RBMS3: variants seen among roughly 807,000 people sequenced by gnomAD.
The protein encoded by RBMS3 is RNA-binding motif, single-stranded-interacting protein 3.
In RBMS3, 27 loss-of-function variants were observed where a neutral mutation model predicts 66.8. The observed-to-expected ratio is 0.40, with a 90% CI of 0.30 to 0.56. The LOEUF (loss-of-function observed/expected upper bound fraction) is 0.56. RBMS3 is among the 20% of genes least tolerant of loss of function. The pLI is 0.40. For missense variants in RBMS3, 513 were observed against 549.5 expected, an observed-to-expected ratio of 0.93 and a Z score of 0.66; for synonymous variants, 188 against 183.0, an observed-to-expected ratio of 1.03 and a Z score of -0.22.
intron 1 of RBMS3, among the ~76,000 whole-genome samples, chr3:29,319,982 C>G (rs1447716500): frequency 6.6e-6 from 1 of 151,946 alleles, no homozygotes; most frequent in Non-Finnish European, 1.5e-5. Context: ...GGGTTTTAAA[C>G]CTGGTGCTGA....
At chr3:29,465,111 A>C (rs2042493092) in intron 2 of RBMS3, among the ~76,000 whole-genome samples, 1 of 152,236 alleles carries the variant, frequency 6.6e-6, no homozygotes, top group Admixed American at 6.5e-5. Context: ...ATTTCTCTGA[A>C]GGAATGTACA....
intron 6 of RBMS3, among the ~76,000 whole-genome samples, chr3:29,837,152 T>A (rs2058531759): frequency 1.3e-5 from 2 of 152,048 alleles, no homozygotes; most frequent in South Asian, 4.1e-4. Context: ...GTAATTTTTT[T>A]TCTTGATACT....
chr3:29,771,548 G>A (rs1251082011), intron 6 of RBMS3, among the ~76,000 whole-genome samples: 1 of 151,956 alleles, frequency 6.6e-6, no homozygotes, highest in Non-Finnish European at 1.5e-5. Flanking sequence ...AGTAATTAAG[G>A]TTACAGCAAA....
chr3:29,311,336 A>G (rs568987961), intron 1 of RBMS3, among the ~76,000 whole-genome samples: 1 of 151,850 alleles, frequency 6.6e-6, no homozygotes, highest in African/African-American at 2.4e-5. Context: ...AAAATCTAAT[A>G]ACGGTTTCTG....
At chr3:29,735,361 T>C (rs1031722826) in intron 4 of RBMS3, among the ~76,000 whole-genome samples, 3 of 152,278 alleles carry the variant, frequency 2.0e-5, no homozygotes, top group Non-Finnish European at 4.4e-5. Flanking sequence ...TGGGCTCCCA[T>C]TAACAATGGA....
At chr3:29,666,220 T>C (rs2050750881) in intron 4 of RBMS3, among the ~76,000 whole-genome samples, 1 of 152,224 alleles carries the variant, frequency 6.6e-6, no homozygotes, top group South Asian at 2.1e-4. Context: ...ATGTCTCTGC[T>C]ACTTCAGTAC....
intron 6 of RBMS3, among the ~76,000 whole-genome samples, chr3:29,783,977 C>G (rs1056562105): frequency 2.0e-5 from 3 of 152,044 alleles, no homozygotes; most frequent in Admixed American, 2.0e-4. Flanking sequence ...GACAGAAGGA[C>G]TAGTCCAACA....
At chr3:29,657,104 T>G (rs2050352698) in intron 4 of RBMS3, among the ~76,000 whole-genome samples, 1 of 152,204 alleles carries the variant, frequency 6.6e-6, no homozygotes, top group Admixed American at 6.5e-5. Flanking sequence ...CAGTCACATT[T>G]CCACACACAG....
chr3:29,595,383 T>C (rs1348169973), intron 4 of RBMS3, among the ~76,000 whole-genome samples: 1 of 135,340 alleles, frequency 7.4e-6, no homozygotes, highest in Non-Finnish European at 1.5e-5. Context: ...TGGGCGACAG[T>C]GTAAGAGTCA....
chr3:29,409,719 G>C (rs2040185084), intron 1 of RBMS3, among the ~76,000 whole-genome samples: 1 of 152,206 alleles, frequency 6.6e-6, no homozygotes, highest in Admixed American at 6.5e-5. Flanking sequence ...GCTAATGTGA[G>C]AGTATACTGG....
At chr3:29,775,265 ATT>A (rs10576860) in intron 6 of RBMS3, among the ~76,000 whole-genome samples, 77,156 of 146,870 alleles carry the variant, frequency 0.53, 20,368 homozygotes, top group East Asian at 0.77. Flanking sequence ...TTTTTTATTT[ATT>A]TTTTTTTTTT....
intron 3 of RBMS3, among the ~76,000 whole-genome samples, chr3:29,570,726 T>C (rs1033973963): frequency 5.9e-5 from 9 of 152,186 alleles, no homozygotes; most frequent in African/African-American, 2.2e-4. Context: ...CATTCATCTG[T>C]TGATGGACAC....
At chr3:29,328,533 TAAG>T (rs927269812) in intron 1 of RBMS3, among the ~76,000 whole-genome samples, 10 of 152,182 alleles carry the variant, frequency 6.6e-5, no homozygotes, top group Admixed American at 6.5e-4. Context: ...GATGATTTAA[TAAG>T]AACTTTGGAA....
rs1027072637 is a variant in RBMS3 at position 29,895,175 on chromosome 3, G to A, written c.792-2204G>A. On this transcript the variant is annotated intron_variant, in intron 8 of 14. Transcript: ENST00000383767. The stretch of plus-strand genomic sequence containing the variant: ...GAAACTCAAAGGGGTATTTTAGAGT[G>A]TTATTCGTCTTTGTTAGACAAAGTA... Among the ~76,000 whole-genome samples, 6 of 151,622 alleles carry A rather than the reference G, an allele frequency of 4.0e-5. No homozygotes were observed. In the South Asian group the frequency reaches 1.2e-3, roughly 31 times the overall value.
intron 6 of RBMS3, among the ~76,000 whole-genome samples, chr3:29,810,917 C>A (rs2057711660): frequency 6.6e-6 from 1 of 152,052 alleles, no homozygotes. Flanking sequence ...AGTAGAGAAG[C>A]CTATTACTTA....
rs569004342 is a variant in RBMS3, at chr3:29,470,554, AT to A, written c.249-17878del. On this transcript the variant is annotated intron_variant, in intron 2 of 14. Coordinates refer to ENST00000383767, the MANE Select transcript of RBMS3 (RefSeq NM_001003793.3). ...ACACCACAGATTTCCATGCTTTCTGATTTTTTTTTCTAGAAACATGTAATTT... is the reference window on the plus strand; with the variant it reads ...ACACCACAGATTTCCATGCTTTCTGATTTTTTTTCTAGAAACATGTAATTT... Among the ~76,000 whole-genome samples the A allele has an allele frequency of 5.4e-3, 813 of 151,496 alleles. 7 individuals carry two copies. Among genetic ancestry groups the A allele is most frequent in the African/African-American group, 0.019 (779 of 41,344 alleles).
intron 6 of RBMS3, among the ~76,000 whole-genome samples, chr3:29,852,335 C>T (rs573312909): frequency 8.3e-4 from 126 of 152,268 alleles, no homozygotes; most frequent in African/African-American, 2.9e-3. Context: ...AAATTAAGAG[C>T]TTCTGCCCAG....
chr3:29,899,969 A>T (rs2060215349), intron 10 of RBMS3, among the ~76,000 whole-genome samples: 1 of 151,414 alleles, frequency 6.6e-6, no homozygotes, highest in Non-Finnish European at 1.5e-5. Flanking sequence ...ATAAAGAGAG[A>T]GGGTGAAAAA....
intron 1 of RBMS3, among the ~76,000 whole-genome samples, chr3:29,362,007 C>T (rs962890458): frequency 1.3e-5 from 2 of 152,196 alleles, no homozygotes; most frequent in Admixed American, 1.3e-4. Flanking sequence ...CCTTCTTTAG[C>T]TCAGAGAAGT....
Sources: allele counts gnomAD v4.1 joint callset (sites outside exome capture counted in the v4.1 genomes callset), GRCh38; gene constraint gnomAD v4.1.1; transcripts MANE v1.5; gene names NCBI Gene and HGNC (gene_info 2026-07-23, HGNC 2026-07-21).